PCNP: variants seen among roughly 807,000 people sequenced by gnomAD.
PCNP encodes the protein PEST proteolytic signal-containing nuclear protein.
PCNP carries 6 observed loss-of-function variants against 21.8 expected under a neutral mutation model. That is an observed-to-expected ratio of 0.28 (90% CI 0.15 to 0.54). The LOEUF is 0.54. Ranked by LOEUF, PCNP falls within the 20% of genes least tolerant of loss-of-function variation. PCNP has a pLI of 0.95. For synonymous variants in PCNP, 67 were observed against 73.2 expected (o/e 0.92, Z 0.43); for missense variants, 161 against 215.5 (o/e 0.75, Z 1.58).
Position 101,582,784 on chromosome 3 carries a change from T to C in PCNP, c.280-2653T>C, listed in dbSNP as rs142890526. Among the ~76,000 whole-genome samples, 16 of 152,330 alleles carry C rather than the reference T, an allele frequency of 1.1e-4. No homozygotes were observed. In the East Asian group the frequency reaches 2.5e-3, roughly 24 times the overall value. On this transcript the variant is annotated intron_variant, in intron 2 of 4. Coordinates refer to ENST00000265260, the MANE Select transcript of PCNP (RefSeq NM_020357.3). ...AAGTGATCTTTGAGTTGGACTTAAA[T>C]GTAGGCAGGAGCAAAAGGGCATTTC... is the stretch of plus-strand genomic sequence containing the variant.
rs186508581 is a variant in PCNP, at chr3:101,577,293, C to T, written c.65-2497C>T. On this transcript the variant is annotated intron_variant, in intron 1 of 4. Coordinates refer to ENST00000265260, the MANE Select transcript of PCNP (RefSeq NM_020357.3). ...AGAAAAATGTTAAAGAAGAGCTAGT[C>T]ATACATAATCATGGCCATCTCAAGC... Among the ~76,000 whole-genome samples the T allele has an allele frequency of 9.2e-5, 14 of 152,268 alleles. No homozygotes were observed. In the East Asian group the frequency reaches 1.7e-3, roughly 19 times the overall value.
At chr3:101,584,563 A>T (rs1199583999) in intron 2 of PCNP, among the ~76,000 whole-genome samples, 1 of 151,776 alleles carries the variant, frequency 6.6e-6, no homozygotes, top group African/African-American at 2.4e-5. Context: ...TTTATTTTTT[A>T]TTTTTTTTAT....
chr3:101,585,856 A>T (rs1935468802), intron 3 of PCNP, among the ~76,000 whole-genome samples: 1 of 152,146 alleles, frequency 6.6e-6, no homozygotes, highest in Non-Finnish European at 1.5e-5. Flanking sequence ...ATGATACATT[A>T]TGCATGCATT....
intron 2 of PCNP, among the ~76,000 whole-genome samples, chr3:101,584,636 C>G (rs372555464): frequency 6.6e-6 from 1 of 152,176 alleles, no homozygotes; most frequent in Non-Finnish European, 1.5e-5. Flanking sequence ...GTGATCTCAC[C>G]TCACTGCAAC....
intron 4 of PCNP, 124 bp downstream of exon 4, chr3:101,590,394 A>G (rs1279429748): frequency 1.6e-6 from 1 of 629,516 alleles, no homozygotes; most frequent in Admixed American, 2.8e-5. Flanking sequence ...TTTTAAAAGC[A>G]TGTTCTGTGT....
At chr3:101,584,356 C>T (rs535657211) in intron 2 of PCNP, among the ~76,000 whole-genome samples, 4 of 152,192 alleles carry the variant, frequency 2.6e-5, no homozygotes, top group African/African-American at 9.6e-5. Context: ...CCAGGCTGGC[C>T]TGGAACTCCT....
At chr3:101,591,766 GTTT>G (rs149888934) in intron 4 of PCNP, among the ~76,000 whole-genome samples, 44,440 of 102,460 alleles carry the variant, frequency 0.43, 8,802 homozygotes, top group Non-Finnish European at 0.49. Context: ...TGATTTTGGT[GTTT>G]TTTTTTTTTT....
At position 101,586,051 on chromosome 3, in the gene PCNP, A is replaced by G. The variant is rs193295951; in HGVS notation, c.354+540A>G. ...ACAGGCGTGGTGGCACAGGCCTATAATCCCAGCTACTTGGGAGGGTGAGGC... is the reference window on the plus strand; with the variant it reads ...ACAGGCGTGGTGGCACAGGCCTATAGTCCCAGCTACTTGGGAGGGTGAGGC... On this transcript the variant is annotated intron_variant, in intron 3 of 4. Coordinates refer to ENST00000265260, the MANE Select transcript of PCNP (RefSeq NM_020357.3). Among the ~76,000 whole-genome samples the G allele has an allele frequency of 7.0e-3, 1,068 of 151,770 alleles. 11 individuals carry two copies. Among genetic ancestry groups the G allele is most frequent in the African/African-American group, 0.024 (973 of 41,350 alleles).
intron 2 of PCNP, among the ~76,000 whole-genome samples, chr3:101,583,315 ATGG>A (rs1446612390): frequency 6.6e-6 from 1 of 152,028 alleles, no homozygotes; most frequent in African/African-American, 2.4e-5. Context: ...AAAATTAGCC[ATGG>A]TGGCACACAC....
intron 3 of PCNP, among the ~76,000 whole-genome samples, chr3:101,586,545 CGTGTGTGTGTGTGTGT>C (rs377617517): frequency 8.0e-4 from 80 of 99,828 alleles, no homozygotes; most frequent in Non-Finnish European, 1.5e-3. Context: ...GGCGTATATT[CGTGTGTGTGTGTGTGT>C]GTGTGTGTGT....
intron 1 of PCNP, 148 bp downstream of exon 1, chr3:101,574,427 C>A: frequency 1.0e-6 from 1 of 976,208 alleles, no homozygotes; most frequent in Non-Finnish European, 1.4e-6. Flanking sequence ...CTCGGGCACG[C>A]CCGATGCGGC....
intron 1 of PCNP, among the ~76,000 whole-genome samples, chr3:101,577,899 CA>C (rs1192104434): frequency 6.6e-6 from 1 of 151,632 alleles, no homozygotes; most frequent in African/African-American, 2.4e-5. Context: ...AATGAAAAAA[CA>C]AAAAAATGCT....
At chr3:101,589,265 A>G (rs915729189) in intron 3 of PCNP, among the ~76,000 whole-genome samples, 3 of 152,174 alleles carry the variant, frequency 2.0e-5, no homozygotes, top group Non-Finnish European at 2.9e-5. Context: ...AACCAGTAGA[A>G]GTCCCTTTAA....
chr3:101,588,123 T>C (rs2108289159), intron 3 of PCNP, among the ~76,000 whole-genome samples: 1 of 152,150 alleles, frequency 6.6e-6, no homozygotes, highest in African/African-American at 2.4e-5. Context: ...TACAAAAAAT[T>C]AGCTGGGCGT....
intron 2 of PCNP, among the ~76,000 whole-genome samples, chr3:101,582,943 G>A (rs1022599445): frequency 6.6e-6 from 1 of 152,226 alleles, no homozygotes; most frequent in Non-Finnish European, 1.5e-5. Context: ...TTAAGGGCTT[G>A]TATTCCATAA....
chr3:101,583,635 G>A (rs1398938732), intron 2 of PCNP, among the ~76,000 whole-genome samples: 1 of 127,668 alleles, frequency 7.8e-6, no homozygotes, highest in Non-Finnish European at 1.8e-5. Context: ...AGAAAGGTCA[G>A]GAGATTTTTT....
rs1576623134 is a variant in PCNP, at chr3:101,590,202, C to CT, written c.355-7dup. 2.0e-6 allele frequency: 3 copies of CT among 1,496,116 alleles called. No homozygotes were observed. The highest frequency in any genetic ancestry group is 1.4e-5 in the African/African-American group (1 of 72,414). 92.7% of individuals were successfully genotyped at this position (1,496,116 alleles called of 1,614,324 possible). A position where few individuals can be genotyped will look rare whatever the true frequency, so the allele number is the denominator to read the frequency against. On this transcript the variant is annotated splice_polypyrimidine_tract_variant and intron_variant, in intron 3 of 4. Coordinates refer to ENST00000265260, the MANE Select transcript of PCNP (RefSeq NM_020357.3). ...GTATGCAGTTATCTTGGTTTACTTA[C>CT]TTTTTTCTTTAGAGTGAACCAGAGG...
intron 2 of PCNP, 45 bp from the exon 3 acceptor site, chr3:101,585,392 A>G: frequency 9.3e-7 from 1 of 1,074,670 alleles, no homozygotes; most frequent in Non-Finnish European, 1.4e-6. Context: ...AAGCTTGTAT[A>G]AATGTTATCT....
At chr3:101,576,944 A>G (rs1934942376) in intron 1 of PCNP, 1 of 1,462,608 alleles carries the variant, frequency 6.8e-7, no homozygotes. Flanking sequence ...ATCACTAGCG[A>G]CATGGCGGCA....
Sources: gnomAD v4.1 joint callset for allele counts (sites outside exome capture counted in the v4.1 genomes callset) on GRCh38, gnomAD v4.1.1 for gene constraint, MANE v1.5 for transcripts, NCBI Gene and HGNC (gene_info 2026-07-23, HGNC 2026-07-21) for gene names.